The following PTPRG variants were observed in gnomAD, a reference collection of about 807,000 sequenced individuals.
The protein encoded by PTPRG is protein tyrosine phosphatase receptor type G.
PTPRG carries 102 observed loss-of-function variants against 165.3 expected under a neutral mutation model. The observed-to-expected ratio is 0.62, with a 90% confidence interval of 0.53 to 0.73. The LOEUF is 0.73. Among genes scored for constraint, PTPRG ranks in the 30% least tolerant of loss-of-function variants. The pLI is 0.00. For missense variants in PTPRG, 1,866 were observed against 1,861.4 expected (o/e 1.00, Z -0.05); for synonymous variants, 675 against 669.5 (o/e 1.01, Z -0.13).
chr3:62,280,507 G>A (rs1326848149), intron 26 of PTPRG, among the ~76,000 whole-genome samples: 3 of 152,044 alleles, frequency 2.0e-5, no homozygotes, highest in Non-Finnish European at 4.4e-5. Context: ...TCAGGGAAAT[G>A]TAAGTCAAGA....
rs1233184584 is a variant in PTPRG at position 62,210,371 on chromosome 3, C to T, written c.2155+6421C>T. On this transcript the variant is annotated intron_variant, in intron 12 of 29. Transcript: ENST00000474889. The surrounding 1 kb of genome is among the most constrained non-coding windows in gnomAD (Gnocchi z 4.1). ...TGTGGCCCTGTAAAAACAGCAGCCA[C>T]CTTATCATTTCACACCCGTTAGAAT... is the stretch of plus-strand genomic sequence containing the variant. Among the ~76,000 whole-genome samples the T allele has an allele frequency of 1.3e-5, 2 of 152,140 alleles. No homozygotes were observed. The highest frequency in any genetic ancestry group is 2.9e-5 in the Non-Finnish European group (2 of 68,030).
At chr3:61,605,866 C>A (rs1327702765) in intron 1 of PTPRG, among the ~76,000 whole-genome samples, 1 of 152,192 alleles carries the variant, frequency 6.6e-6, no homozygotes, top group Non-Finnish European at 1.5e-5. Context: ...AGTCACCACA[C>A]CCAGCCTGAC....
At chr3:62,140,717 TGC>T (rs1406069852) in intron 6 of PTPRG, among the ~76,000 whole-genome samples, 1 of 151,902 alleles carries the variant, frequency 6.6e-6, no homozygotes, top group Non-Finnish European at 1.5e-5. Flanking sequence ...CATGGTGTTA[TGC>T]GCCTGTAGTC....
chr3:62,164,119 G>GA (rs780929275), intron 7 of PTPRG, among the ~76,000 whole-genome samples: 9 of 152,182 alleles, frequency 5.9e-5, no homozygotes, highest in Non-Finnish European at 1.2e-4. Context: ...CAAAGACCCA[G>GA]AAAGACACAA....
chr3:61,696,424 C>A (rs924306563), intron 1 of PTPRG, among the ~76,000 whole-genome samples: 3 of 152,140 alleles, frequency 2.0e-5, no homozygotes, highest in African/African-American at 7.2e-5. Context: ...ATTGCTTGAA[C>A]CCAGGAGGCG....
chr3:61,814,781 GA>G (rs2035704384), intron 2 of PTPRG, among the ~76,000 whole-genome samples: 1 of 151,010 alleles, frequency 6.6e-6, no homozygotes, highest in Admixed American at 6.7e-5. Context: ...GGATGACTGG[GA>G]GGGGCTCAGG....
intron 5 of PTPRG, among the ~76,000 whole-genome samples, chr3:62,103,129 C>G (rs555748388): frequency 1.4e-4 from 21 of 152,180 alleles, no homozygotes; most frequent in Non-Finnish European, 2.9e-4. Context: ...TAACCCTCAG[C>G]TGTTCCTCAT....
At chr3:62,135,507 T>C (rs1344455236) in intron 6 of PTPRG, among the ~76,000 whole-genome samples, 2 of 152,190 alleles carry the variant, frequency 1.3e-5, no homozygotes, top group African/African-American at 2.4e-5. Context: ...GGGAATCATA[T>C]ATTAGAATGT....
intron 4 of PTPRG, among the ~76,000 whole-genome samples, chr3:62,019,980 C>T (rs1023857323): frequency 1.3e-5 from 2 of 151,994 alleles, no homozygotes; most frequent in South Asian, 2.1e-4. Context: ...ATAGAAATCT[C>T]GGTGGAGTCT....
chr3:61,735,281 C>T (rs770779284), intron 1 of PTPRG, among the ~76,000 whole-genome samples: 17 of 151,904 alleles, frequency 1.1e-4, no homozygotes, highest in Non-Finnish European at 1.9e-4. Context: ...AATTATTTTC[C>T]TTGAGACTCG....
chr3:61,743,178 G>A (rs2033070087), intron 1 of PTPRG: 1 of 786,630 alleles, frequency 1.3e-6, no homozygotes, highest in Non-Finnish European at 2.2e-6. Context: ...CTTCGGGCTG[G>A]AAATGAGGTA....
chr3:61,946,469 A>G (rs1391379238), intron 2 of PTPRG, among the ~76,000 whole-genome samples: 2 of 152,240 alleles, frequency 1.3e-5, no homozygotes, highest in Non-Finnish European at 2.9e-5. Flanking sequence ...AAAGAAGAGC[A>G]TCAAACCCCA....
At chr3:62,220,682 C>G (rs1700630622) in intron 13 of PTPRG, among the ~76,000 whole-genome samples, 1 of 152,136 alleles carries the variant, frequency 6.6e-6, no homozygotes, top group Non-Finnish European at 1.5e-5. Flanking sequence ...CATGTCATCC[C>G]TTCTCCAGGA....
chr3:61,746,045 CTTTTCTTT>C (rs1398821643), intron 1 of PTPRG, among the ~76,000 whole-genome samples: 4 of 100,276 alleles, frequency 4.0e-5, no homozygotes, highest in Admixed American at 1.5e-4. Flanking sequence ...CTTTCTTTTT[CTTTTCTTT>C]TTTTTTTTTT....
At position 62,157,157 on chromosome 3, in the gene PTPRG, C is replaced by A. The variant is rs1409838361; in HGVS notation, c.773C>A (p.Thr258Lys). Residue 258 changes from threonine (T) to lysine (K), a missense_variant, in exon 7 of 30, where the codon ACA becomes AAA. By Grantham distance (78) the Thr-to-Lys change is moderately conservative. This residue lies in a region of PTPRG where 408 missense variants were observed against 376.2 expected (regional missense o/e 1.08). Coordinates refer to ENST00000474889, the MANE Select transcript of PTPRG (RefSeq NM_002841.4). ...TATCGGTACACAGGTTCCTTGACCACACCACCGTGTAGCGAAATAGTGGAG... is the reference window on the plus strand; with the variant it reads ...TATCGGTACACAGGTTCCTTGACCAAACCACCGTGTAGCGAAATAGTGGAG... ...SYYRYTGSLTTPPCSEIVEWI... is the reference protein window; with the variant it reads ...SYYRYTGSLTKPPCSEIVEWI... The A allele has an allele frequency of 6.2e-7, 1 of 1,614,032 alleles. No homozygotes were observed. The highest frequency in any genetic ancestry group is 8.5e-7 in the Non-Finnish European group (1 of 1,179,918).
At chr3:62,262,336 G>A (rs1701724960) in intron 16 of PTPRG, 1 of 152,532 alleles carries the variant, frequency 6.6e-6, no homozygotes, top group Non-Finnish European at 1.5e-5. Context: ...TAAGCATATT[G>A]CAAATCATGG....
At chr3:62,192,555 T>C (rs1197703554) in intron 9 of PTPRG, among the ~76,000 whole-genome samples, 1 of 151,712 alleles carries the variant, frequency 6.6e-6, no homozygotes, top group Admixed American at 6.6e-5. Flanking sequence ...ACTACATGCA[T>C]CCGCCACCAT....
chr3:62,112,573 G>A (rs1180586251), intron 5 of PTPRG, among the ~76,000 whole-genome samples: 1 of 152,202 alleles, frequency 6.6e-6, no homozygotes, highest in Non-Finnish European at 1.5e-5. Flanking sequence ...TCCTTTATAA[G>A]CTCCCAGTAG....
chr3:61,653,805 C>G (rs1304762970), intron 1 of PTPRG, among the ~76,000 whole-genome samples: 1 of 151,464 alleles, frequency 6.6e-6, no homozygotes, highest in Middle Eastern at 3.4e-3. Flanking sequence ...TAGAATTCAC[C>G]TTGGCCCACA....
Sources: allele counts gnomAD v4.1 joint callset (sites outside exome capture counted in the v4.1 genomes callset), GRCh38; gene constraint gnomAD v4.1.1; regional missense constraint gnomAD v4.1.1; non-coding constraint Gnocchi (gnomAD v3.1); transcripts MANE v1.5; gene names NCBI Gene and HGNC (gene_info 2026-07-23, HGNC 2026-07-21).